The following LUC7L3 variants were observed in gnomAD, a reference collection of about 807,000 sequenced individuals.
LUC7L3 encodes the protein luc7-like protein 3.
Under a neutral mutation model 66.8 loss-of-function variants are expected in LUC7L3, and 6 were observed. The observed-to-expected ratio is 0.09, with a 90% CI of 0.05 to 0.18. LUC7L3 has a LOEUF of 0.18. Among genes scored for constraint, LUC7L3 ranks in the 10% least tolerant of loss-of-function variants. The pLI is 1.00. For synonymous variants in LUC7L3, 160 were observed against 174.7 expected (o/e 0.92, Z 0.66); for missense variants, 341 against 531.1 (o/e 0.64, Z 3.52).
At chr17:50,732,485 G>A (rs977797643) in intron 1 of LUC7L3, among the ~76,000 whole-genome samples, 20 of 151,630 alleles carry the variant, frequency 1.3e-4, no homozygotes, top group Non-Finnish European at 2.2e-4. Context: ...GGGCTCCAAC[G>A]ACCCTTCCAC....
At chr17:50,724,660 A>G (rs368882016) in intron 1 of LUC7L3, among the ~76,000 whole-genome samples, 63 of 143,054 alleles carry the variant, frequency 4.4e-4, no homozygotes, top group African/African-American at 1.6e-3. Flanking sequence ...TATATATGTT[A>G]TTAGCCTTGA....
chr17:50,724,923 G>A (rs181386303), intron 1 of LUC7L3, among the ~76,000 whole-genome samples: 1 of 151,820 alleles, frequency 6.6e-6, no homozygotes, highest in East Asian at 2.0e-4. Flanking sequence ...CACCATGCCT[G>A]ACTAATTTTT....
chr17:50,755,033 CTT>C lies in LUC7L3; in HGVS notation c.*4373_*4374del, dbSNP rs1378211580. On this transcript the variant is annotated 3_prime_UTR_variant, in exon 10 of 10. Transcript: ENST00000505658. ...TGATATGTGCATGAAACAAAAAACA[CTT>C]GAAGTTATTATGTATACAATTCTGT... The C allele has an allele frequency of 1.3e-5, 2 of 152,044 alleles. No individual in the cohort carries two copies. Among genetic ancestry groups the C allele is most frequent in the African/African-American group, 2.4e-5 (1 of 41,324 alleles). 9.4% of individuals were successfully genotyped at this position (152,044 alleles called of 1,614,324 possible). A position where few individuals can be genotyped will look rare whatever the true frequency, so the allele number is the denominator to read the frequency against.
chr17:50,740,414 G>A (rs894430363), intron 3 of LUC7L3, 69 bp downstream of exon 3: 1 of 1,385,760 alleles, frequency 7.2e-7, no homozygotes, highest in African/African-American at 1.5e-5. Context: ...AAGGGTTGAG[G>A]AATAATTGCA....
intron 5 of LUC7L3, 182 bp from the exon 6 acceptor site, chr17:50,743,524 A>C (rs1054644226): frequency 1.9e-6 from 1 of 515,490 alleles, no homozygotes; most frequent in Non-Finnish European, 3.5e-6. Flanking sequence ...ATTTTTCTTA[A>C]CACATCAGTT....
In LUC7L3 at chr17:50,752,833, G is replaced by C. The variant is rs1023414626; in HGVS notation, c.*2172G>C. ...ACTTTCTAATGTTTTAAATAATGGT[G>C]CTTCAATTTTAGGTGGTTATGAATA... On this transcript the variant is annotated 3_prime_UTR_variant, in exon 10 of 10. Transcript: ENST00000505658. 1 of 152,142 alleles carries C rather than the reference G, an allele frequency of 6.6e-6. No individual in the cohort carries two copies. The highest frequency in any genetic ancestry group is 1.5e-5 in the Non-Finnish European group (1 of 68,000). 9.4% of individuals were successfully genotyped at this position (152,142 alleles called of 1,614,324 possible). A position where few individuals can be genotyped will look rare whatever the true frequency, so the allele number is the denominator to read the frequency against.
At chr17:50,735,052 GA>G (rs563995346) in intron 1 of LUC7L3, among the ~76,000 whole-genome samples, 124 of 152,170 alleles carry the variant, frequency 8.1e-4, no homozygotes, top group African/African-American at 2.9e-3. Flanking sequence ...CCAACATGGA[GA>G]AACCCCATCT....
chr17:50,721,449 C>G (rs760539310), intron 1 of LUC7L3, among the ~76,000 whole-genome samples: 7 of 152,268 alleles, frequency 4.6e-5, no homozygotes, highest in Non-Finnish European at 8.8e-5. Context: ...TCATCTCAGC[C>G]GTAATCTGCT....
At position 50,751,080 on chromosome 17, in the gene LUC7L3, A is replaced by G; in HGVS notation, c.*419A>G. 4 of 1,441,580 alleles carry G rather than the reference A, an allele frequency of 2.8e-6. No individual in the cohort carries two copies. Among genetic ancestry groups the G allele is most frequent in the Non-Finnish European group, 3.6e-6 (4 of 1,106,122 alleles). The allele number at this position is 1,441,580 out of a possible 1,614,324, so 89.3% of individuals were successfully genotyped here. On this transcript the variant is annotated 3_prime_UTR_variant, in exon 10 of 10. Transcript: ENST00000505658. ...CTTGTGTTGGTACATTGGCAGAGAC[A>G]TATGCTTTAAAAACTTAAATATTTC...
intron 1 of LUC7L3, 156 bp from the exon 2 acceptor site, chr17:50,736,804 A>G: frequency 1.7e-6 from 1 of 576,466 alleles, no homozygotes; most frequent in Non-Finnish European, 3.0e-6. Flanking sequence ...GAGTCTGAAA[A>G]TCACTAATTT....
chr17:50,746,397 A>G lies in LUC7L3; in HGVS notation c.978-145A>G, dbSNP rs374094031. ...GGAGATGAATTTAGAAAGATTTTCA[A>G]TAATTTTTAGTTCTTAAGATTTCTA... On this transcript the variant is annotated intron_variant, in intron 8 of 9. Transcript: ENST00000505658. 115 of 754,504 alleles carry G rather than the reference A, an allele frequency of 1.5e-4. No individual in the cohort carries two copies. In the African/African-American group the frequency reaches 1.5e-3, roughly 10 times the overall value. The allele number at this position is 754,504 out of a possible 1,614,324, so 46.7% of individuals were successfully genotyped here.
Position 50,752,196 on chromosome 17 carries a change from G to A in LUC7L3, c.*1535G>A. 1.6e-6 allele frequency: 2 copies of A among 1,284,344 alleles called. No individual in the cohort carries two copies. The highest frequency in any genetic ancestry group is 2.0e-6 in the Non-Finnish European group (2 of 986,434). 79.6% of individuals were successfully genotyped at this position (1,284,344 alleles called of 1,614,324 possible). A position where few individuals can be genotyped will look rare whatever the true frequency, so the allele number is the denominator to read the frequency against. On this transcript the variant is annotated 3_prime_UTR_variant, in exon 10 of 10. Coordinates refer to ENST00000505658, the MANE Select transcript of LUC7L3 (RefSeq NM_016424.5). ...ATCATTTTTCCCCAAATTTTGCGTTGTAGGACTACTGTTCGAAGATTTTTG... is the reference window on the plus strand; with the variant it reads ...ATCATTTTTCCCCAAATTTTGCGTTATAGGACTACTGTTCGAAGATTTTTG...
chr17:50,720,170 C>T (rs1023866543), intron 1 of LUC7L3, among the ~76,000 whole-genome samples: 2 of 152,200 alleles, frequency 1.3e-5, no homozygotes, highest in Admixed American at 6.5e-5. Flanking sequence ...GGGAGAAGGG[C>T]ACATTTTTCT....
At chr17:50,725,358 C>T (rs567191221) in intron 1 of LUC7L3, among the ~76,000 whole-genome samples, 7 of 151,990 alleles carry the variant, frequency 4.6e-5, no homozygotes, top group East Asian at 3.9e-4. Flanking sequence ...TGCAGTGAGC[C>T]GAGATCACGC....
Position 50,736,897 on chromosome 17 carries a change from C to T in LUC7L3, c.100-63C>T, listed in dbSNP as rs368760759. ...GAAATGAGAAAATAGTTATTTGGCA[C>T]CTTTCTCCAATAAAGTTTTAAAACC... On this transcript the variant is annotated intron_variant, in intron 1 of 9. Transcript: ENST00000505658. 2.2e-5 allele frequency: 21 copies of T among 959,608 alleles called. No individual in the cohort carries two copies. In the African/African-American group the frequency reaches 2.4e-4, roughly 11 times the overall value. 59.4% of individuals were successfully genotyped at this position (959,608 alleles called of 1,614,324 possible). A position where few individuals can be genotyped will look rare whatever the true frequency, so the allele number is the denominator to read the frequency against.
Position 50,750,562 on chromosome 17 carries a change from T to C in LUC7L3, c.1200T>C (p.Ser400=). ...SVKSGSREKQ[S]EDTNTESKES... Reference sequence around the variant, plus strand: ...AGTCCGGTAGTCGAGAAAAGCAGAGTGAAGACACAAACACTGAATCGAAGG... The same window carrying C: ...AGTCCGGTAGTCGAGAAAAGCAGAGCGAAGACACAAACACTGAATCGAAGG... Residue 400 remains serine (S), a synonymous_variant, in exon 10 of 10, where the codon AGT becomes AGC. Transcript: ENST00000505658. The C allele has an allele frequency of 1.2e-6, 2 of 1,613,988 alleles. No individual in the cohort carries two copies. Among genetic ancestry groups the C allele is most frequent in the Non-Finnish European group, 1.7e-6 (2 of 1,179,978 alleles).
In LUC7L3 at chr17:50,746,186, C is replaced by G. The variant is rs183173933; in HGVS notation, c.977+183C>G. Among the ~76,000 whole-genome samples the G allele has an allele frequency of 2.0e-4, 31 of 152,274 alleles. 1 individual carries two copies. The East Asian group carries it at 5.8e-3, about 28-fold the overall frequency. ...TCCATCTTCGGGGCAACTTCTGTGCCATTTCCCACCTGTCTAGGAAATTTC... is the reference window on the plus strand; with the variant it reads ...TCCATCTTCGGGGCAACTTCTGTGCGATTTCCCACCTGTCTAGGAAATTTC... On this transcript the variant is annotated intron_variant, in intron 8 of 9. Coordinates refer to ENST00000505658, the MANE Select transcript of LUC7L3 (RefSeq NM_016424.5).
chr17:50,745,887 A>G lies in LUC7L3; in HGVS notation c.861A>G (p.Arg287=), dbSNP rs373994549. ...GAGAAAAAGAAAGGGCTCGTGACAGAGAAAGAAGAAAGAGAAGTCGTTCAC... is the reference window on the plus strand; with the variant it reads ...GAGAAAAAGAAAGGGCTCGTGACAGGGAAAGAAGAAAGAGAAGTCGTTCAC... The part of the protein sequence containing the change: ...EEREKERARD[R]ERRKRSRSRS... The change falls in exon 8 of 10, where the codon AGA becomes AGG. Residue 287 remains arginine, a synonymous_variant. Coordinates refer to ENST00000505658, the MANE Select transcript of LUC7L3 (RefSeq NM_016424.5). The G allele has an allele frequency of 5.6e-6, 9 of 1,611,602 alleles. No individual in the cohort carries two copies. The highest frequency in any genetic ancestry group is 4.0e-5 in the African/African-American group (3 of 74,876).
At chr17:50,732,644 A>C (rs2146719157) in intron 1 of LUC7L3, among the ~76,000 whole-genome samples, 1 of 152,084 alleles carries the variant, frequency 6.6e-6, no homozygotes, top group Admixed American at 6.5e-5. Flanking sequence ...GGCCTCCCAA[A>C]ATGCTGGGAT....
Sources: gnomAD v4.1 joint callset for allele counts (sites outside exome capture counted in the v4.1 genomes callset) on GRCh38, gnomAD v4.1.1 for gene constraint, MANE v1.5 for transcripts, NCBI Gene and HGNC (gene_info 2026-07-23, HGNC 2026-07-21) for gene names.